The following NUP188 variants were observed in gnomAD, a reference collection of about 807,000 sequenced individuals.
The protein encoded by NUP188 is nucleoporin 188.
NUP188 carries 97 observed loss-of-function variants against 223.0 expected under a neutral mutation model. The observed-to-expected ratio is 0.43, with a 90% confidence interval of 0.37 to 0.51. The LOEUF is 0.51. Among genes scored for constraint, NUP188 ranks in the 20% least tolerant of loss-of-function variants. The pLI is 0.00. For missense variants in NUP188, 1,947 were observed against 2,175.6 expected (o/e 0.89, Z 2.09); for synonymous variants, 869 against 828.0 (o/e 1.05, Z -0.85).
chr9:129,004,506 A>T (rs1055038482), intron 38 of NUP188: 2 of 151,710 alleles, frequency 1.3e-5, no homozygotes, highest in Non-Finnish European at 2.9e-5. Flanking sequence ...ATCTTATTTT[A>T]TTTATTTATT....
chr9:128,966,267 T>TGTG (rs1268025703), intron 8 of NUP188, among the ~76,000 whole-genome samples: 1 of 146,448 alleles, frequency 6.8e-6, no homozygotes, highest in Non-Finnish European at 1.5e-5. Flanking sequence ...TGTCTGTGTG[T>TGTG]GTGTGTGTGT....
At chr9:128,968,771 T>A in intron 9 of NUP188, 54 bp downstream of exon 9, 1 of 1,361,618 alleles carries the variant, frequency 7.3e-7, no homozygotes, top group Non-Finnish European at 1.0e-6. Flanking sequence ...GCATTGATAC[T>A]ATAGTGGTAT....
chr9:128,988,008 A>G (rs1328931410), intron 23 of NUP188, 39 bp from the exon 24 acceptor site: 8 of 1,608,620 alleles, frequency 5.0e-6, no homozygotes, highest in Non-Finnish European at 6.8e-6. Context: ...ATGAAGTCAT[A>G]CTGTCTGAAT....
chr9:128,995,357 A>C lies in NUP188; in HGVS notation c.3194A>C (p.Lys1065Thr). ...CAGTCATTAAAGGATACACTGAAGAAATTTTCCATCGAGAAACGCTTTGCC... is the reference window on the plus strand; with the variant it reads ...CAGTCATTAAAGGATACACTGAAGACATTTTCCATCGAGAAACGCTTTGCC... Reference protein sequence around the residue: ...LDQSLKDTLKKFSIEKRFAYW... With the variant: ...LDQSLKDTLKTFSIEKRFAYW... The change falls in exon 30 of 44, where the codon AAA becomes ACA. Residue 1065 changes from lysine to threonine, a missense_variant. Coordinates refer to ENST00000372577, the MANE Select transcript of NUP188 (RefSeq NM_015354.3). The C allele has an allele frequency of 6.2e-7, 1 of 1,614,094 alleles. No individual in the cohort carries two copies. Among genetic ancestry groups the C allele is most frequent in the Non-Finnish European group, 8.5e-7 (1 of 1,179,996 alleles).
intron 5 of NUP188, among the ~76,000 whole-genome samples, chr9:128,957,754 G>A (rs1038877389): frequency 3.9e-5 from 6 of 152,044 alleles, no homozygotes; most frequent in Admixed American, 1.3e-4. Context: ...GTGAGCCACC[G>A]CACCCGGCCA....
In NUP188 at chr9:128,947,745, G is replaced by A. The variant is rs570141310; in HGVS notation, c.26G>A (p.Cys9Tyr). 286 of 1,474,428 alleles carry A rather than the reference G, an allele frequency of 1.9e-4. No individual in the cohort carries two copies. The highest frequency in any genetic ancestry group is 2.3e-4 in the Non-Finnish European group (260 of 1,115,440). 91.3% of individuals were successfully genotyped at this position (1,474,428 alleles called of 1,614,324 possible). A position where few individuals can be genotyped will look rare whatever the true frequency, so the allele number is the denominator to read the frequency against. Reference protein sequence around the residue: MAAAAGGPCVRSSRELWTI... With the variant: MAAAAGGPYVRSSRELWTI... ...ATGGCGGCGGCCGCCGGCGGGCCGTGTGTGAGGTGCGGAGCGGGTCGAATG... is the reference window on the plus strand; with the variant it reads ...ATGGCGGCGGCCGCCGGCGGGCCGTATGTGAGGTGCGGAGCGGGTCGAATG... Residue 9 changes from cysteine (C) to tyrosine (Y), a missense_variant, in exon 1 of 44, where the codon TGT becomes TAT. Around this residue, in one of 3 missense-constraint regions of NUP188, gnomAD observed 817 missense variants for 865.8 expected, o/e 0.94. Coordinates refer to ENST00000372577, the MANE Select transcript of NUP188 (RefSeq NM_015354.3).
chr9:128,952,434 C>T (rs1841803849), intron 2 of NUP188, among the ~76,000 whole-genome samples: 1 of 149,770 alleles, frequency 6.7e-6, no homozygotes, highest in Non-Finnish European at 1.5e-5. Flanking sequence ...CAAAAAACTG[C>T]ATTTGCGGTC....
intron 10 of NUP188, among the ~76,000 whole-genome samples, 181 bp from the exon 11 acceptor site, chr9:128,970,577 G>T (rs1480337589): frequency 6.6e-6 from 1 of 152,176 alleles, no homozygotes; most frequent in Non-Finnish European, 1.5e-5. Flanking sequence ...GGTAAAGGAA[G>T]AGTAATTGTA....
intron 38 of NUP188, chr9:129,003,714 C>T: frequency 1.9e-6 from 1 of 515,764 alleles, no homozygotes. Context: ...ACACTTGGGG[C>T]CGGGCATGGT....
intron 3 of NUP188, among the ~76,000 whole-genome samples, chr9:128,955,557 C>T (rs574779518): frequency 1.3e-5 from 2 of 152,266 alleles, no homozygotes; most frequent in South Asian, 4.1e-4. Flanking sequence ...TTTGTTTATA[C>T]CTTGTTTCAG....
chr9:128,956,927 C>T (rs1841879144), intron 4 of NUP188, 25 bp from the exon 5 acceptor site: 2 of 1,557,662 alleles, frequency 1.3e-6, no homozygotes, highest in East Asian at 2.3e-5. Context: ...TGAGCTGTTC[C>T]TTACTTAAAA....
At position 128,983,323 on chromosome 9, in the gene NUP188, T is replaced by A; in HGVS notation, c.1827T>A (p.Asp609Glu). The change falls in exon 18 of 44, where the codon GAT becomes GAA. Residue 609 changes from aspartate to glutamate, a missense_variant. Transcript: ENST00000372577. ...CGACAGTGATCTCCCCACCTGTGGA[T>A]GTCATTGCTTCTTGTGTCAACTGCT... is the stretch of plus-strand genomic sequence containing the variant. ...RLTTVISPPVDVIASCVNCLT... is the reference protein window; with the variant it reads ...RLTTVISPPVEVIASCVNCLT... The A allele has an allele frequency of 6.2e-7, 1 of 1,614,174 alleles. No individual in the cohort carries two copies. Among genetic ancestry groups the A allele is most frequent in the Non-Finnish European group, 8.5e-7 (1 of 1,180,016 alleles).
chr9:128,954,689 G>A (rs1841844487), intron 3 of NUP188, among the ~76,000 whole-genome samples: 2 of 151,270 alleles, frequency 1.3e-5, no homozygotes. Flanking sequence ...CGGTGACAAT[G>A]TCGACAATGT....
At chr9:128,949,135 A>G in intron 1 of NUP188, 54 bp from the exon 2 acceptor site, 1 of 1,324,430 alleles carries the variant, frequency 7.6e-7, no homozygotes, top group Non-Finnish European at 1.1e-6. Flanking sequence ...GAGGCAGTGT[A>G]CAAGTTTGTA....
intron 34 of NUP188, among the ~76,000 whole-genome samples, chr9:129,001,023 C>T (rs1384697867): frequency 1.3e-5 from 2 of 151,966 alleles, no homozygotes; most frequent in African/African-American, 4.8e-5. Context: ...GGGGACAGAG[C>T]GAGGCTCCAT....
Position 128,952,810 on chromosome 9 carries a change from G to A in NUP188, c.125G>A (p.Arg42Gln), listed in dbSNP as rs754544205. 5 of 1,613,644 alleles carry A rather than the reference G, an allele frequency of 3.1e-6. No homozygotes were observed. The highest frequency in any genetic ancestry group is 1.7e-5 in the Admixed American group (1 of 59,964). The change falls in exon 3 of 44, where the codon CGA becomes CAA. Residue 42 changes from arginine to glutamine, a missense_variant. Physicochemically the swap from Arg to Gln is conservative, Grantham distance 43 (BLOSUM62 1). Transcript: ENST00000372577. ...GCAGAACTGAATAAACATTGGCGGC[G>A]ATTGTTAGAGGGGCTTTCTTACTAC... ...IEAELNKHWR[R>Q]LLEGLSYYKP...
At chr9:128,949,323 T>A in intron 2 of NUP188, 80 bp downstream of exon 2, 1 of 973,732 alleles carries the variant, frequency 1.0e-6, no homozygotes, top group Non-Finnish European at 1.6e-6. Context: ...TTTTTAAATG[T>A]AGGAAGTAAA....
chr9:128,994,557 C>T, intron 28 of NUP188, 115 bp downstream of exon 28: 1 of 773,880 alleles, frequency 1.3e-6, no homozygotes, highest in Non-Finnish European at 2.2e-6. Context: ...ACAGAATGTT[C>T]CCTTCACTAG....
intron 30 of NUP188, among the ~76,000 whole-genome samples, chr9:128,995,768 C>T (rs551158011): frequency 6.6e-6 from 1 of 152,278 alleles, no homozygotes; most frequent in South Asian, 2.1e-4. Flanking sequence ...CTGTACCTCC[C>T]TTAGGCCTTG....
Sources: allele counts gnomAD v4.1 joint callset (sites outside exome capture counted in the v4.1 genomes callset), GRCh38; gene constraint gnomAD v4.1.1; regional missense constraint gnomAD v4.1.1; transcripts MANE v1.5; gene names NCBI Gene and HGNC (gene_info 2026-07-23, HGNC 2026-07-21).